Variants in TRIO observed in about 807,000 individuals in gnomAD.
The protein encoded by TRIO is triple functional domain protein.
Under a neutral mutation model 351.9 loss-of-function variants are expected in TRIO, and 58 were observed. That is an observed-to-expected ratio of 0.16 (90% CI 0.13 to 0.21). The LOEUF is 0.21. Ranked by LOEUF, TRIO falls within the 10% of genes least tolerant of loss-of-function variation. The probability of loss-of-function intolerance (pLI) is 1.00; values close to 1 mark genes in which losing one functional copy is unlikely to be tolerated. For synonymous variants in TRIO, 1,758 were observed against 1,595.7 expected (o/e 1.10, Z -2.42); for missense variants, 3,201 against 4,027.8 (o/e 0.79, Z 5.56).
chr5:14,219,887 G>GA (rs1356998988), intron 1 of TRIO, among the ~76,000 whole-genome samples: 1 of 151,084 alleles, frequency 6.6e-6, no homozygotes, highest in Non-Finnish European at 1.5e-5. Context: ...AAATAGTACA[G>GA]AAATATCAGA....
chr5:14,175,730 A>G (rs1789365015), intron 1 of TRIO, among the ~76,000 whole-genome samples: 1 of 152,248 alleles, frequency 6.6e-6, no homozygotes, highest in Non-Finnish European at 1.5e-5. Context: ...ACTCCCCTGT[A>G]CAATAATGTA....
chr5:14,174,569 A>G (rs1299010605), intron 1 of TRIO, among the ~76,000 whole-genome samples: 2 of 152,234 alleles, frequency 1.3e-5, no homozygotes, highest in Non-Finnish European at 2.9e-5. Context: ...TCTGGTCAGC[A>G]GTCGTCAGGG....
At chr5:14,148,889 T>C (rs897312057) in intron 1 of TRIO, among the ~76,000 whole-genome samples, 11 of 152,204 alleles carry the variant, frequency 7.2e-5, no homozygotes, top group Non-Finnish European at 1.5e-4. Context: ...GGTCCCCAGC[T>C]GGAGCAAGGG....
chr5:14,335,016 C>G (rs1347754835), intron 10 of TRIO, among the ~76,000 whole-genome samples: 1 of 143,070 alleles, frequency 7.0e-6, no homozygotes, highest in Non-Finnish European at 1.5e-5. Context: ...CTTTTTAGAT[C>G]TGTCTCGTGT....
intron 55 of TRIO, among the ~76,000 whole-genome samples, chr5:14,506,878 G>T (rs1757726458): frequency 6.6e-6 from 1 of 152,138 alleles, no homozygotes; most frequent in African/African-American, 2.4e-5. Context: ...TTGGACCCTT[G>T]ACTGTGCCGC....
intron 1 of TRIO, among the ~76,000 whole-genome samples, chr5:14,154,079 C>T (rs1209180989): frequency 6.6e-6 from 1 of 152,142 alleles, no homozygotes; most frequent in Admixed American, 6.5e-5. Flanking sequence ...GGCATGTTGG[C>T]TCTGTTGAGT....
intron 9 of TRIO, among the ~76,000 whole-genome samples, chr5:14,329,527 C>G (rs1031869109): frequency 6.6e-6 from 1 of 152,206 alleles, no homozygotes; most frequent in African/African-American, 2.4e-5. Flanking sequence ...TCTGGGACTT[C>G]ATAGTGTCCA....
At chr5:14,337,977 C>T (rs1008238866) in intron 11 of TRIO, among the ~76,000 whole-genome samples, 1 of 152,188 alleles carries the variant, frequency 6.6e-6, no homozygotes, top group African/African-American at 2.4e-5. Context: ...TTTTCCTGCT[C>T]CTCAGAATGC....
At chr5:14,265,958 G>T (rs1795644816) in intron 1 of TRIO, among the ~76,000 whole-genome samples, 1 of 152,194 alleles carries the variant, frequency 6.6e-6, no homozygotes, top group East Asian at 1.9e-4. Context: ...GAATTTTGGG[G>T]TTCTTGGGTA....
chr5:14,444,316 A>G (rs1292049695), intron 34 of TRIO, among the ~76,000 whole-genome samples: 1 of 152,242 alleles, frequency 6.6e-6, no homozygotes, highest in Non-Finnish European at 1.5e-5. Flanking sequence ...AATAAACAAA[A>G]ACCACAGAAG....
chr5:14,483,415 G>C (rs561573685), intron 46 of TRIO, among the ~76,000 whole-genome samples: 2 of 152,256 alleles, frequency 1.3e-5, no homozygotes, highest in Non-Finnish European at 2.9e-5. Context: ...CTCTGCAGCT[G>C]TGCAGACCCT....
chr5:14,233,314 CTT>C (rs1793572014), intron 1 of TRIO, among the ~76,000 whole-genome samples: 1 of 44,652 alleles, frequency 2.2e-5, no homozygotes, highest in East Asian at 7.8e-4. Context: ...GACCTCGTCT[CTT>C]AAAAAAAAAA....
intron 1 of TRIO, among the ~76,000 whole-genome samples, chr5:14,250,901 A>G (rs1251902782): frequency 2.0e-5 from 3 of 152,216 alleles, no homozygotes; most frequent in African/African-American, 7.2e-5. Flanking sequence ...TTTGAAATAC[A>G]TGGCTTAACA....
intron 1 of TRIO, among the ~76,000 whole-genome samples, chr5:14,251,532 TC>T (rs1447417633): frequency 6.6e-6 from 1 of 152,178 alleles, no homozygotes; most frequent in Non-Finnish European, 1.5e-5. Flanking sequence ...GTGCATCTGT[TC>T]CTCCCTCTCC....
intron 11 of TRIO, among the ~76,000 whole-genome samples, chr5:14,353,199 A>G (rs1453085573): frequency 6.6e-6 from 1 of 152,154 alleles, no homozygotes; most frequent in African/African-American, 2.4e-5. Flanking sequence ...TTAGAACAAA[A>G]ACAGTAACAG....
chr5:14,287,362 A>G (rs911076715), intron 4 of TRIO, among the ~76,000 whole-genome samples: 9 of 152,154 alleles, frequency 5.9e-5, no homozygotes, highest in Admixed American at 2.0e-4. Flanking sequence ...TCACTTGACA[A>G]ACAGCTTTAC....
intron 2 of TRIO, among the ~76,000 whole-genome samples, chr5:14,271,536 G>A (rs1023195370): frequency 2.0e-5 from 3 of 152,152 alleles, no homozygotes; most frequent in Non-Finnish European, 4.4e-5. Flanking sequence ...CACATAGTCA[G>A]CGTTAGGCCG....
At chr5:14,468,398 A>G (rs1454747589) in intron 37 of TRIO, among the ~76,000 whole-genome samples, 1 of 152,216 alleles carries the variant, frequency 6.6e-6, no homozygotes, top group African/African-American at 2.4e-5. Flanking sequence ...TCAGCTACAC[A>G]TGGGAGCTCT....
In TRIO at chr5:14,182,399, T is replaced by C. The variant is rs1401940293; in HGVS notation, c.157+38517T>C. On this transcript the variant is annotated intron_variant, in intron 1 of 56. Transcript: ENST00000344204. ...ATGCTTCTACCTTGGGACAAATTTA[T>C]ATCTGATAGAAATTGTTGTCAGAGT... Among the ~76,000 whole-genome samples the C allele has an allele frequency of 2.6e-5, 4 of 152,264 alleles. No individual in the cohort carries two copies. The East Asian group carries it at 7.7e-4, about 29-fold the overall frequency.
Sources: allele counts gnomAD v4.1 joint callset (sites outside exome capture counted in the v4.1 genomes callset), GRCh38; gene constraint gnomAD v4.1.1; transcripts MANE v1.5; gene names NCBI Gene and HGNC (gene_info 2026-07-23, HGNC 2026-07-21).